CSGALNACT1: variants seen among roughly 807,000 people sequenced by gnomAD.
CSGALNACT1 encodes the protein chondroitin sulfate N-acetylgalactosaminyltransferase 1.
A neutral mutation model predicts 51.0 loss-of-function variants in CSGALNACT1; 52 were observed. That is an observed-to-expected ratio of 1.02 (90% CI 0.82 to 1.29). CSGALNACT1 has a LOEUF of 1.29. Ranked by LOEUF, CSGALNACT1 falls within the 50% of genes most tolerant of loss-of-function variation. The probability of loss-of-function intolerance (pLI) is 0.00; values close to 1 mark genes in which losing one functional copy is unlikely to be tolerated. For synonymous variants in CSGALNACT1, 341 were observed against 254.4 expected (o/e 1.34, Z -3.24); for missense variants, 935 against 679.2 (o/e 1.38, Z -4.19).
chr8:19,651,915 GTTTTT>G (rs113483995), intron 1 of CSGALNACT1, among the ~76,000 whole-genome samples: 3 of 109,524 alleles, frequency 2.7e-5, no homozygotes, highest in Non-Finnish European at 4.3e-5. Context: ...CTCGCTGTCT[GTTTTT>G]TTTTGTTTTG....
intron 3 of CSGALNACT1, among the ~76,000 whole-genome samples, chr8:19,570,455 A>C (rs907016266): frequency 1.3e-5 from 2 of 152,134 alleles, no homozygotes; most frequent in South Asian, 2.1e-4. Context: ...CCTCATTAAC[A>C]CCTAAAAGGA....
At chr8:19,657,842 A>G (rs1283979678) in intron 1 of CSGALNACT1, among the ~76,000 whole-genome samples, 1 of 152,080 alleles carries the variant, frequency 6.6e-6, no homozygotes, top group African/African-American at 2.4e-5. Flanking sequence ...CACTGGGAAA[A>G]TAAGTGGAGG....
At position 19,696,092 on chromosome 8, in the gene CSGALNACT1, C is replaced by G. The variant is rs563204039; in HGVS notation, c.-297+61758G>C. ...AGTCCTACAAATCGTCTTTTAAAAACAAATTGGATAGGCAGGAATGCTTAC... is the reference window on the plus strand; with the variant it reads ...AGTCCTACAAATCGTCTTTTAAAAAGAAATTGGATAGGCAGGAATGCTTAC... On this transcript the variant is annotated intron_variant, in intron 1 of 1. Transcript: ENST00000517494. Among the ~76,000 whole-genome samples the G allele has an allele frequency of 1.5e-3, 231 of 152,254 alleles. 1 individual carries two copies. Among genetic ancestry groups the G allele is most frequent in the Non-Finnish European group, 2.8e-3 (190 of 67,998 alleles).
intron 4 of CSGALNACT1, among the ~76,000 whole-genome samples, chr8:19,499,161 C>T (rs1198289056): frequency 6.6e-6 from 1 of 152,098 alleles, no homozygotes. Context: ...ATTAAAAATC[C>T]CCAAATCCTC....
intron 4 of CSGALNACT1, among the ~76,000 whole-genome samples, chr8:19,494,566 T>C (rs924536185): frequency 6.6e-6 from 1 of 152,150 alleles, no homozygotes; most frequent in African/African-American, 2.4e-5. Context: ...AATGCCTAAG[T>C]CACATCCAAT....
intron 4 of CSGALNACT1, among the ~76,000 whole-genome samples, chr8:19,484,278 T>G (rs1415896978): frequency 6.6e-6 from 1 of 151,494 alleles, no homozygotes; most frequent in Non-Finnish European, 1.5e-5. Context: ...AAGAAAAAAA[T>G]CACATGCTGC....
chr8:19,523,259 G>A (rs565478529), intron 3 of CSGALNACT1, among the ~76,000 whole-genome samples: 2 of 152,194 alleles, frequency 1.3e-5, no homozygotes, highest in East Asian at 1.9e-4. Context: ...TTATCACACA[G>A]TACTATTTTT....
intron 4 of CSGALNACT1, among the ~76,000 whole-genome samples, chr8:19,503,516 C>T (rs1049810620): frequency 1.3e-5 from 2 of 152,000 alleles, no homozygotes; most frequent in African/African-American, 4.8e-5. Context: ...TTTGAAACTG[C>T]TCTGTATGTG....
At chr8:19,443,966 A>C (rs754767313) in intron 5 of CSGALNACT1, among the ~76,000 whole-genome samples, 2 of 152,214 alleles carry the variant, frequency 1.3e-5, no homozygotes, top group Non-Finnish European at 2.9e-5. Flanking sequence ...TAAGGAACAC[A>C]CAACCTAGAT....
At chr8:19,659,577 G>T (rs1312341147) in intron 1 of CSGALNACT1, among the ~76,000 whole-genome samples, 1 of 152,188 alleles carries the variant, frequency 6.6e-6, no homozygotes, top group Non-Finnish European at 1.5e-5. Context: ...TATTTGAATT[G>T]AATCTGCCTG....
At chr8:19,751,377 G>T (rs912320882) in intron 1 of CSGALNACT1, among the ~76,000 whole-genome samples, 8 of 152,092 alleles carry the variant, frequency 5.3e-5, no homozygotes, top group African/African-American at 1.9e-4. Flanking sequence ...CATATTTAAG[G>T]GCTCCATCAG....
At chr8:19,517,967 G>C (rs2079891111) in intron 3 of CSGALNACT1, among the ~76,000 whole-genome samples, 1 of 152,162 alleles carries the variant, frequency 6.6e-6, no homozygotes, top group Non-Finnish European at 1.5e-5. Context: ...ACATTCTTCT[G>C]TGCAGGCAGA....
chr8:19,482,799 T>G lies in CSGALNACT1; in HGVS notation c.634+22402A>C, dbSNP rs1215419343. On this transcript the variant is annotated intron_variant, in intron 4 of 9. Coordinates refer to ENST00000454498, the Ensembl canonical transcript of CSGALNACT1. ...AAGTCCTAACCCCTTAGCTCCAAATTTGATTTTTATTTTGAGCTCCAAACC... is the reference window on the plus strand; with the variant it reads ...AAGTCCTAACCCCTTAGCTCCAAATGTGATTTTTATTTTGAGCTCCAAACC... Among the ~76,000 whole-genome samples the G allele has an allele frequency of 2.0e-5, 3 of 152,152 alleles. No individual in the cohort carries two copies. In the East Asian group the frequency reaches 5.8e-4, roughly 29 times the overall value.
At chr8:19,736,617 G>A (rs759648729) in intron 1 of CSGALNACT1, among the ~76,000 whole-genome samples, 2 of 152,050 alleles carry the variant, frequency 1.3e-5, no homozygotes, top group Non-Finnish European at 2.9e-5. Flanking sequence ...TCTGTACGTT[G>A]ACATTAGAAA....
chr8:19,679,677 C>T (rs2060453014), intron 1 of CSGALNACT1, among the ~76,000 whole-genome samples: 1 of 152,134 alleles, frequency 6.6e-6, no homozygotes, highest in Non-Finnish European at 1.5e-5. Context: ...TGCTGTGACT[C>T]AAGACAGTCA....
chr8:19,483,350 C>A (rs1323746214), intron 4 of CSGALNACT1, among the ~76,000 whole-genome samples: 1 of 152,244 alleles, frequency 6.6e-6, no homozygotes, highest in African/African-American at 2.4e-5. Flanking sequence ...TTCATTATGT[C>A]TGGTTCTCAG....
intron 6 of CSGALNACT1, among the ~76,000 whole-genome samples, chr8:19,426,802 A>C: frequency 6.6e-6 from 1 of 152,156 alleles, no homozygotes. Context: ...CATTTCCCAG[A>C]ATTACTGGAT....
At chr8:19,644,658 C>A (rs1200218016) in intron 1 of CSGALNACT1, among the ~76,000 whole-genome samples, 1 of 134,272 alleles carries the variant, frequency 7.4e-6, no homozygotes, top group Non-Finnish European at 1.5e-5. Flanking sequence ...TGCAGTGAGC[C>A]GAGATGGTGC....
At chr8:19,697,275 T>C (rs1368604326) in intron 1 of CSGALNACT1, among the ~76,000 whole-genome samples, 2 of 152,160 alleles carry the variant, frequency 1.3e-5, no homozygotes, top group South Asian at 2.1e-4. Flanking sequence ...AGAGGCAGTT[T>C]CATGGTCTTA....
Sources: gnomAD v4.1 joint callset for allele counts (sites outside exome capture counted in the v4.1 genomes callset) on GRCh38, gnomAD v4.1.1 for gene constraint, MANE v1.5 for transcripts, NCBI Gene and HGNC (gene_info 2026-07-23, HGNC 2026-07-21) for gene names.